The following SIL1 variants were observed in gnomAD, a reference collection of about 807,000 sequenced individuals.
SIL1 encodes the protein nucleotide exchange factor SIL1.
In SIL1, 40 loss-of-function variants were observed where a neutral mutation model predicts 49.1. The ratio of observed to expected loss-of-function variants is 0.81; its 90% CI spans 0.63 to 1.06. The LOEUF (loss-of-function observed/expected upper bound fraction) is 1.06, where lower values mean the gene tolerates loss of function less well. Ranked by LOEUF, SIL1 falls within the 50% of genes least tolerant of loss-of-function variation. SIL1 has a pLI of 0.00. For synonymous variants in SIL1, 253 were observed against 250.8 expected, an observed-to-expected ratio of 1.01 and a Z score of -0.08; for missense variants, 500 against 572.6, an observed-to-expected ratio of 0.87 and a Z score of 1.29.
intron 6 of SIL1, among the ~76,000 whole-genome samples, chr5:139,025,275 T>C (rs1017893919): frequency 6.6e-6 from 1 of 151,912 alleles, no homozygotes. Context: ...AGAAACAGAG[T>C]GGCCAAAAGT....
intron 7 of SIL1, among the ~76,000 whole-genome samples, chr5:139,009,073 C>T (rs1047854120): frequency 6.6e-6 from 1 of 151,382 alleles, no homozygotes; most frequent in Non-Finnish European, 1.5e-5. Flanking sequence ...GTTAAAGTCT[C>T]CCATTATTAT....
intron 1 of SIL1, among the ~76,000 whole-genome samples, chr5:139,132,724 GCCTGGCCTGCAGCCACGTCA>G (rs940988125): frequency 5.3e-5 from 8 of 152,188 alleles, no homozygotes; most frequent in Admixed American, 5.2e-4. Context: ...TCCTTTTAAG[GCCTGGCCTGCAGCCACGTCA>G]CCTGGTCTTG....
chr5:139,121,391 G>A (rs1750634778), intron 2 of SIL1, among the ~76,000 whole-genome samples: 1 of 152,186 alleles, frequency 6.6e-6, no homozygotes, highest in Non-Finnish European at 1.5e-5. Context: ...CTGTGCGTAT[G>A]TGGTACTTTT....
intron 1 of SIL1, among the ~76,000 whole-genome samples, chr5:139,140,497 C>T (rs887069790): frequency 1.5e-4 from 23 of 152,094 alleles, no homozygotes; most frequent in Admixed American, 1.3e-3. Flanking sequence ...TTTTAACATG[C>T]CTGAGAGCCC....
rs553648680 is a variant in SIL1 at position 139,047,582 on chromosome 5, A to G, written c.353+3356T>C. Reference sequence around the variant, plus strand: ...TGGAAAGCTATGGATTTTGTCCTCTAAAACAGAATAAGGATATAAGCAAAA... The same window carrying G: ...TGGAAAGCTATGGATTTTGTCCTCTGAAACAGAATAAGGATATAAGCAAAA... On this transcript the variant is annotated intron_variant, in intron 4 of 9. Coordinates refer to ENST00000394817, the MANE Select transcript of SIL1 (RefSeq NM_022464.5). 3.3e-5 allele frequency among the ~76,000 whole-genome samples: 5 copies of G among 152,356 alleles called. No individual in the cohort carries two copies. The South Asian group carries it at 1.0e-3, about 32-fold the overall frequency.
intron 7 of SIL1, among the ~76,000 whole-genome samples, chr5:139,014,626 G>A (rs1768360610): frequency 6.6e-6 from 1 of 152,160 alleles, no homozygotes; most frequent in Non-Finnish European, 1.5e-5. Context: ...TGAAGGCTTA[G>A]TTTCTGCAGT....
chr5:139,174,311 A>G (rs1343191867), intron 1 of SIL1, among the ~76,000 whole-genome samples: 1 of 151,858 alleles, frequency 6.6e-6, no homozygotes, highest in Non-Finnish European at 1.5e-5. Flanking sequence ...CGTCTGGGCA[A>G]TATGTCAAGA....
chr5:139,108,556 A>G lies in SIL1; in HGVS notation c.244+12479T>C, dbSNP rs530116815. On this transcript the variant is annotated intron_variant, in intron 3 of 9. Coordinates refer to ENST00000394817, the MANE Select transcript of SIL1 (RefSeq NM_022464.5). ...GGGCTGTGGGAGGCAGGCTGGGAAG[A>G]ATTCCAGCTGCACTCCAGGATTTGT... Among the ~76,000 whole-genome samples, 7 of 152,324 alleles carry G rather than the reference A, an allele frequency of 4.6e-5. No individual in the cohort carries two copies. In the East Asian group the frequency reaches 1.3e-3, roughly 29 times the overall value.
rs201636421 is a variant in SIL1, at chr5:139,121,064, G to T, written c.215C>A (p.Pro72Gln). 6.2e-7 allele frequency: 1 copy of T among 1,614,140 alleles called. No homozygotes were observed. ...CTGAAGGGCCTGCCACTCATGCGTC[G>T]GGTGGAACACCTCCAGGACTTCGGC... is the stretch of plus-strand genomic sequence containing the variant. ...LDAEVLEVFH[P>Q]THEWQALQPG... The change falls in exon 3 of 10, where the codon CCG (proline) becomes CAG (glutamine). Residue 72 changes from proline to glutamine, a missense_variant. Transcript: ENST00000394817.
intron 7 of SIL1, among the ~76,000 whole-genome samples, chr5:138,984,394 T>C (rs1767605528): frequency 6.7e-6 from 1 of 150,060 alleles, no homozygotes; most frequent in African/African-American, 2.5e-5. Context: ...CTGGAGACTC[T>C]GTCACCCAGG....
At chr5:139,095,437 T>A (rs1770437305) in intron 3 of SIL1, among the ~76,000 whole-genome samples, 2 of 152,132 alleles carry the variant, frequency 1.3e-5, no homozygotes, top group Non-Finnish European at 2.9e-5. Context: ...AATTTTTGTA[T>A]TTTTAGCAGA....
intron 6 of SIL1, among the ~76,000 whole-genome samples, chr5:139,025,510 A>G (rs998054487): frequency 1.3e-5 from 2 of 152,206 alleles, no homozygotes; most frequent in Non-Finnish European, 2.9e-5. Context: ...ACAACACTCA[A>G]CAAATATTAG....
At chr5:138,996,473 TTG>T (rs1334361652) in intron 7 of SIL1, among the ~76,000 whole-genome samples, 4 of 151,864 alleles carry the variant, frequency 2.6e-5, no homozygotes, top group Admixed American at 2.6e-4. Flanking sequence ...ATTCTGTGGG[TTG>T]TCTCTCCACT....
At chr5:139,097,288 G>A (rs1581097451) in intron 3 of SIL1, among the ~76,000 whole-genome samples, 1 of 151,992 alleles carries the variant, frequency 6.6e-6, no homozygotes, top group Non-Finnish European at 1.5e-5. Context: ...TGGCTGCCCT[G>A]AAGGGAAGGA....
At chr5:139,134,498 G>A (rs1209413071) in intron 1 of SIL1, among the ~76,000 whole-genome samples, 1 of 152,118 alleles carries the variant, frequency 6.6e-6, no homozygotes, top group Non-Finnish European at 1.5e-5. Flanking sequence ...TCAGAGCCAG[G>A]CCAGGCAACT....
chr5:139,091,297 T>C (rs1415491234), intron 3 of SIL1, among the ~76,000 whole-genome samples: 3 of 152,040 alleles, frequency 2.0e-5, no homozygotes, highest in African/African-American at 7.2e-5. Context: ...CTAGGTAAAG[T>C]ATCTGCAATT....
intron 5 of SIL1, 64 bp downstream of exon 5, chr5:139,042,556 A>G (rs1276454884): frequency 1.5e-6 from 2 of 1,356,018 alleles, no homozygotes; most frequent in East Asian, 2.3e-5. Context: ...AAATGATTCC[A>G]TTCTCTGCAA....
intron 5 of SIL1, among the ~76,000 whole-genome samples, chr5:139,030,276 C>A (rs895597098): frequency 1.3e-4 from 19 of 151,910 alleles, no homozygotes; most frequent in Admixed American, 9.2e-4. Context: ...ACCAGCCTGG[C>A]CAACTAGAGA....
At chr5:139,176,105 C>T (rs770355291) in intron 1 of SIL1, among the ~76,000 whole-genome samples, 9 of 152,166 alleles carry the variant, frequency 5.9e-5, no homozygotes, top group Non-Finnish European at 7.3e-5. Context: ...AAGCAATCCT[C>T]CCACATCGGC....
Sources: allele counts gnomAD v4.1 joint callset (sites outside exome capture counted in the v4.1 genomes callset), GRCh38; gene constraint gnomAD v4.1.1; transcripts MANE v1.5; gene names NCBI Gene and HGNC (gene_info 2026-07-23, HGNC 2026-07-21).